Variants in ATP10B observed in about 807,000 individuals in gnomAD.
ATP10B encodes the protein phospholipid-transporting ATPase VB.
Under a neutral mutation model 141.2 loss-of-function variants are expected in ATP10B, and 122 were observed. The ratio of observed to expected loss-of-function variants is 0.86; its 90% CI spans 0.75 to 1.00. ATP10B has a LOEUF of 1.00. Among genes scored for constraint, ATP10B ranks in the 50% least tolerant of loss-of-function variants. The pLI, the probability that ATP10B is intolerant of heterozygous loss-of-function variation, is 0.00. For synonymous variants in ATP10B, 685 were observed against 692.0 expected, an observed-to-expected ratio of 0.99 and a Z score of 0.16; for missense variants, 1,876 against 1,825.3, an observed-to-expected ratio of 1.03 and a Z score of -0.51.
intron 2 of ATP10B, among the ~76,000 whole-genome samples, chr5:160,757,723 G>A (rs1312723161): frequency 1.3e-5 from 2 of 152,076 alleles, no homozygotes; most frequent in African/African-American, 4.8e-5. Context: ...GGTGTTAGAT[G>A]TATCATTATT....
intron 1 of ATP10B, among the ~76,000 whole-genome samples, chr5:160,842,137 C>T (rs554123864): frequency 2.0e-5 from 3 of 152,034 alleles, no homozygotes; most frequent in Non-Finnish European, 4.4e-5. Flanking sequence ...GTTTTCAGAC[C>T]ATAATAGATA....
intron 2 of ATP10B, among the ~76,000 whole-genome samples, chr5:160,778,846 G>A (rs1770522715): frequency 1.3e-5 from 2 of 152,298 alleles, no homozygotes; most frequent in African/African-American, 4.8e-5. Flanking sequence ...TTAAAGTCAG[G>A]TGGATTTGTG....
At chr5:160,911,542 C>T in the ATP10B span, among the ~76,000 whole-genome samples, 1 of 152,164 alleles carries the variant, frequency 6.6e-6, no homozygotes, top group Non-Finnish European at 1.5e-5. Context: ...TAATCCTCGA[C>T]TTTGGTTTTG....
intron 3 of ATP10B, among the ~76,000 whole-genome samples, chr5:160,703,946 T>A (rs1764826259): frequency 6.6e-6 from 1 of 152,212 alleles, no homozygotes. Context: ...TCATCAGAGC[T>A]CTTAGGTCAC....
At chr5:160,670,381 T>C (rs1467631332) in intron 7 of ATP10B, 82 bp downstream of exon 7, 3 of 1,374,398 alleles carry the variant, frequency 2.2e-6, no homozygotes, top group Non-Finnish European at 3.1e-6. Flanking sequence ...CTCTACCCAG[T>C]AGGTTTAGTT....
At chr5:160,680,903 T>C (rs1421542335) in intron 6 of ATP10B, among the ~76,000 whole-genome samples, 1 of 152,188 alleles carries the variant, frequency 6.6e-6, no homozygotes, top group African/African-American at 2.4e-5. Context: ...AGAAGTGTCT[T>C]TCTTTCTCTT....
intron 1 of ATP10B, among the ~76,000 whole-genome samples, chr5:160,828,685 G>T (rs1213432461): frequency 2.0e-5 from 3 of 151,906 alleles, no homozygotes; most frequent in African/African-American, 7.3e-5. Context: ...AATACCATTT[G>T]ATCCAGCCAT....
chr5:160,912,228 AC>A, the ATP10B span, among the ~76,000 whole-genome samples: 4 of 152,220 alleles, frequency 2.6e-5, no homozygotes, highest in African/African-American at 2.4e-5. Context: ...AGAATAAGTT[AC>A]CCAAGGAAGT....
At chr5:160,813,974 C>A (rs983797981) in intron 1 of ATP10B, among the ~76,000 whole-genome samples, 9 of 152,120 alleles carry the variant, frequency 5.9e-5, no homozygotes, top group African/African-American at 2.2e-4. Flanking sequence ...ACACCAAAAC[C>A]CCATCTGTAC....
intron 1 of ATP10B, among the ~76,000 whole-genome samples, chr5:160,805,182 G>T (rs1277084056): frequency 6.6e-6 from 1 of 152,176 alleles, no homozygotes; most frequent in Admixed American, 6.5e-5. Context: ...GAGCTTTAAA[G>T]ACTATATATC....
chr5:160,652,396 G>A (rs1410991400), intron 7 of ATP10B, among the ~76,000 whole-genome samples: 1 of 140,836 alleles, frequency 7.1e-6, no homozygotes, highest in Non-Finnish European at 1.6e-5. Context: ...TCAAGACACA[G>A]AGAACTGCTG....
Position 160,688,796 on chromosome 5 carries a change from A to G in ATP10B, c.-57T>C. The G allele has an allele frequency of 1.0e-6, 1 of 985,448 alleles. No individual in the cohort carries two copies. Among genetic ancestry groups the G allele is most frequent in the Non-Finnish European group, 1.2e-6 (1 of 829,928 alleles). 61.0% of individuals were successfully genotyped at this position (985,448 alleles called of 1,614,324 possible). ...ACCTCAAAGGAGAGTGATAAGTAGA[A>G]TAGATGGGAGAGGTTCTTTCCTAGG... is the stretch of plus-strand genomic sequence containing the variant. On this transcript the variant is annotated 5_prime_UTR_variant, in exon 4 of 26. Coordinates refer to ENST00000327245, the MANE Select transcript of ATP10B (RefSeq NM_025153.3).
intron 2 of ATP10B, among the ~76,000 whole-genome samples, chr5:160,773,895 A>T (rs1318590589): frequency 1.3e-5 from 2 of 152,222 alleles, no homozygotes; most frequent in Non-Finnish European, 2.9e-5. Flanking sequence ...TTCATTAACA[A>T]CAACAAAAGC....
rs374621615 is a variant in ATP10B at position 160,687,895 on chromosome 5, T to G, written c.180A>C (p.Glu60Asp). 2.5e-6 allele frequency: 4 copies of G among 1,614,062 alleles called. No homozygotes were observed. The African/African-American group carries it at 5.3e-5, about 22-fold the overall frequency. ...TGCCAGGGTATCTCCTGGAGACCTC[T>G]TCCCAATCTTGATGGAATATGCTGT... ...PNNSIFHQDW[E>D]EVSRRYPGNR... is the part of the protein sequence containing the mutation. Residue 60 changes from glutamate to aspartate, a missense_variant, in exon 5 of 26, where the codon GAA (glutamate) becomes GAC (aspartate). Physicochemically the swap from Glu to Asp is conservative, Grantham distance 45 (BLOSUM62 2). Coordinates refer to ENST00000327245, the MANE Select transcript of ATP10B (RefSeq NM_025153.3).
intron 2 of ATP10B, among the ~76,000 whole-genome samples, chr5:160,723,391 AGAG>A (rs1487583609): frequency 5.9e-5 from 9 of 152,234 alleles, no homozygotes; most frequent in Non-Finnish European, 1.0e-4. Context: ...CACAGGGAGA[AGAG>A]GAGGAGGATG....
intron 2 of ATP10B, among the ~76,000 whole-genome samples, chr5:160,758,975 G>C (rs1768838022): frequency 6.6e-6 from 1 of 152,192 alleles, no homozygotes; most frequent in Non-Finnish European, 1.5e-5. Flanking sequence ...GCAGTAGGAT[G>C]ATTAGCAGAG....
At chr5:160,653,156 CATA>C (rs1561703218) in intron 7 of ATP10B, among the ~76,000 whole-genome samples, 1 of 126,932 alleles carries the variant, frequency 7.9e-6, no homozygotes, top group Non-Finnish European at 1.6e-5. Flanking sequence ...ATTATAAATA[CATA>C]ATATATATTA....
chr5:160,628,601 C>T (rs564041299), intron 13 of ATP10B, among the ~76,000 whole-genome samples: 7 of 147,972 alleles, frequency 4.7e-5, no homozygotes, highest in South Asian at 4.5e-4. Context: ...GGTGGGGTGG[C>T]GGGGGGGATG....
chr5:160,646,893 C>T (rs1760316769), intron 8 of ATP10B, among the ~76,000 whole-genome samples: 1 of 152,176 alleles, frequency 6.6e-6, no homozygotes, highest in Non-Finnish European at 1.5e-5. Context: ...GTGTTATGAA[C>T]ATTTTGGACT....
Sources: allele counts gnomAD v4.1 joint callset (sites outside exome capture counted in the v4.1 genomes callset), GRCh38; gene constraint gnomAD v4.1.1; transcripts MANE v1.5; gene names NCBI Gene and HGNC (gene_info 2026-07-23, HGNC 2026-07-21).